EPHA5: variants seen among roughly 807,000 people sequenced by gnomAD.
EPHA5 encodes ephrin type-A receptor 5.
A neutral mutation model predicts 105.0 loss-of-function variants in EPHA5; 60 were observed. That is an observed-to-expected ratio of 0.57 (90% CI 0.46 to 0.71). EPHA5 has a LOEUF of 0.71. EPHA5 is among the 30% of genes least tolerant of loss of function. The probability of loss-of-function intolerance (pLI) is 0.00; values close to 1 mark genes in which losing one functional copy is unlikely to be tolerated. For missense variants in EPHA5, 1,218 were observed against 1,274.7 expected (o/e 0.96, Z 0.68); for synonymous variants, 513 against 449.1 (o/e 1.14, Z -1.80).
At chr4:65,513,217 T>G (rs1490284976) in intron 3 of EPHA5, among the ~76,000 whole-genome samples, 6 of 152,214 alleles carry the variant, frequency 3.9e-5, no homozygotes, top group Admixed American at 3.9e-4. Flanking sequence ...CTAAATATTC[T>G]TGATAGATTT....
rs1031951334 is a variant in EPHA5, at chr4:65,632,177, A to G, written c.246+11186T>C. ...AGTAAAGAATTGGATCATATCTGGA[A>G]TCTAGATTAGCTGATGTCAAGACCT... On this transcript the variant is annotated intron_variant, in intron 2 of 16. Transcript: ENST00000613740. 3.9e-5 allele frequency among the ~76,000 whole-genome samples: 6 copies of G among 152,260 alleles called. No individual in the cohort carries two copies. In the East Asian group the frequency reaches 1.2e-3, roughly 29 times the overall value.
intron 16 of EPHA5, among the ~76,000 whole-genome samples, chr4:65,328,781 C>A (rs551883723): frequency 1.3e-5 from 2 of 151,060 alleles, no homozygotes; most frequent in East Asian, 3.9e-4. Context: ...GAGATGTTGT[C>A]AGGGCTAGAA....
intron 14 of EPHA5, among the ~76,000 whole-genome samples, chr4:65,340,235 A>G (rs970052899): frequency 2.0e-5 from 3 of 152,148 alleles, no homozygotes; most frequent in Admixed American, 1.3e-4. Flanking sequence ...TGAAGCACCA[A>G]CATGGAGATA....
chr4:65,461,948 T>C (rs919419589), intron 5 of EPHA5, among the ~76,000 whole-genome samples: 7 of 152,032 alleles, frequency 4.6e-5, no homozygotes, highest in Non-Finnish European at 8.8e-5. Context: ...ATTGAATCAT[T>C]ATGCAGTTAA....
intron 4 of EPHA5, among the ~76,000 whole-genome samples, chr4:65,492,393 G>T (rs2149217965): frequency 6.6e-6 from 1 of 151,882 alleles, no homozygotes; most frequent in African/African-American, 2.4e-5. Context: ...GTAGAGATAA[G>T]ATTTCACCAT....
At chr4:65,470,451 C>T (rs1035305495) in intron 5 of EPHA5, among the ~76,000 whole-genome samples, 2 of 152,118 alleles carry the variant, frequency 1.3e-5, no homozygotes, top group African/African-American at 4.8e-5. Context: ...CTCAGCCACC[C>T]AAAGTACTGG....
At chr4:65,455,017 G>A (rs559153469) in intron 5 of EPHA5, among the ~76,000 whole-genome samples, 2 of 152,102 alleles carry the variant, frequency 1.3e-5, no homozygotes, top group South Asian at 2.1e-4. Flanking sequence ...AGGCCGAGGC[G>A]GGCAGATCAC....
chr4:65,352,199 G>C (rs1421201176), intron 12 of EPHA5, among the ~76,000 whole-genome samples: 1 of 151,974 alleles, frequency 6.6e-6, no homozygotes, highest in African/African-American at 2.4e-5. Context: ...AGTACTTAAA[G>C]GTATGGTTAG....
At chr4:65,389,945 A>C in intron 8 of EPHA5, among the ~76,000 whole-genome samples, 1 of 151,916 alleles carries the variant, frequency 6.6e-6, no homozygotes, top group East Asian at 1.9e-4. Context: ...TGCCTTCTGC[A>C]TGGAAGTAGG....
chr4:65,665,661 CTT>C (rs1560840949), intron 1 of EPHA5, among the ~76,000 whole-genome samples: 1 of 151,956 alleles, frequency 6.6e-6, no homozygotes, highest in East Asian at 1.9e-4. Flanking sequence ...AAAGAAAAAT[CTT>C]TGTTTTAAAT....
At chr4:65,389,094 T>C (rs1044747310) in intron 8 of EPHA5, among the ~76,000 whole-genome samples, 8 of 152,200 alleles carry the variant, frequency 5.3e-5, no homozygotes, top group Admixed American at 2.0e-4. Flanking sequence ...CTGAATTTCA[T>C]CTTAAAAGTT....
chr4:65,557,773 T>C (rs1037874353), intron 3 of EPHA5, among the ~76,000 whole-genome samples: 4 of 152,024 alleles, frequency 2.6e-5, no homozygotes, highest in Non-Finnish European at 5.9e-5. Flanking sequence ...GAAGGAGCTG[T>C]AAAGGGCTAG....
intron 1 of EPHA5, among the ~76,000 whole-genome samples, chr4:65,644,506 G>A (rs896248184): frequency 6.6e-6 from 1 of 152,034 alleles, no homozygotes; most frequent in African/African-American, 2.4e-5. Flanking sequence ...TCAAAAGCCA[G>A]TATCTTGAAA....
At chr4:65,392,362 T>C (rs1340887339) in intron 8 of EPHA5, among the ~76,000 whole-genome samples, 2 of 152,126 alleles carry the variant, frequency 1.3e-5, no homozygotes, top group Non-Finnish European at 2.9e-5. Flanking sequence ...TTTTCTAAAA[T>C]CAGGGATTGT....
At chr4:65,419,676 C>T (rs949600623) in intron 6 of EPHA5, among the ~76,000 whole-genome samples, 11 of 152,010 alleles carry the variant, frequency 7.2e-5, no homozygotes, top group African/African-American at 1.7e-4. Context: ...ATGAATGGGG[C>T]GGGAGTAGTA....
At chr4:65,356,642 C>A (rs556149598) in intron 11 of EPHA5, among the ~76,000 whole-genome samples, 2 of 151,574 alleles carry the variant, frequency 1.3e-5, no homozygotes, top group Non-Finnish European at 1.5e-5. Context: ...ACCTAAAACA[C>A]CTCTCATATT....
chr4:65,540,442 G>C (rs1301303347), intron 3 of EPHA5, among the ~76,000 whole-genome samples: 2 of 151,236 alleles, frequency 1.3e-5, no homozygotes, highest in East Asian at 3.9e-4. Context: ...TTGGTGCTCA[G>C]AGGATGTCTT....
At chr4:65,497,172 G>T (rs570801803) in intron 3 of EPHA5, among the ~76,000 whole-genome samples, 1 of 152,136 alleles carries the variant, frequency 6.6e-6, no homozygotes, top group South Asian at 2.1e-4. Context: ...GAAGTATGAC[G>T]CATATTTGCT....
intron 13 of EPHA5, among the ~76,000 whole-genome samples, chr4:65,350,191 C>A (rs1289523632): frequency 1.3e-5 from 2 of 152,076 alleles, no homozygotes; most frequent in Admixed American, 1.3e-4. Context: ...CAAAAGAATT[C>A]TTAATTGAGT....
Sources: gnomAD v4.1 joint callset for allele counts (sites outside exome capture counted in the v4.1 genomes callset) on GRCh38, gnomAD v4.1.1 for gene constraint, MANE v1.5 for transcripts, NCBI Gene and HGNC (gene_info 2026-07-23, HGNC 2026-07-21) for gene names.